The following TXNDC11 variants were observed in gnomAD, a reference collection of about 807,000 sequenced individuals.
TXNDC11 encodes thioredoxin domain-containing protein 11.
Under a neutral mutation model 78.0 loss-of-function variants are expected in TXNDC11, and 68 were observed. The ratio of observed to expected loss-of-function variants is 0.87; its 90% CI spans 0.72 to 1.07. The LOEUF (loss-of-function observed/expected upper bound fraction) is 1.07. Among genes scored for constraint, TXNDC11 ranks in the 50% least tolerant of loss-of-function variants. The pLI, the probability that TXNDC11 is intolerant of heterozygous loss-of-function variation, is 0.00. For synonymous variants in TXNDC11, 571 were observed against 495.2 expected, an observed-to-expected ratio of 1.15 and a Z score of -2.03; for missense variants, 1,389 against 1,221.8, an observed-to-expected ratio of 1.14 and a Z score of -2.04.
intron 5 of TXNDC11, among the ~76,000 whole-genome samples, chr16:11,717,997 G>A (rs140453487): frequency 1.3e-5 from 2 of 150,630 alleles, no homozygotes; most frequent in African/African-American, 2.5e-5. Context: ...TTAGAGTGCT[G>A]AGGTGGTAAG....
chr16:11,731,687 T>TCACA (rs34570874), intron 3 of TXNDC11, among the ~76,000 whole-genome samples: 1,623 of 143,848 alleles, frequency 0.011, 25 homozygotes, highest in African/African-American at 0.037. Context: ...TTACAGAAAT[T>TCACA]CACACACACA....
chr16:11,720,697 G>A (rs369789274), intron 5 of TXNDC11, among the ~76,000 whole-genome samples: 7 of 149,540 alleles, frequency 4.7e-5, no homozygotes, highest in Non-Finnish European at 8.9e-5. Flanking sequence ...GATTACAGGC[G>A]TGAGCCACCG....
intron 2 of TXNDC11, among the ~76,000 whole-genome samples, chr16:11,734,473 G>A (rs973440276): frequency 2.0e-5 from 3 of 152,044 alleles, no homozygotes; most frequent in African/African-American, 4.8e-5. Flanking sequence ...CCACCACTAC[G>A]TGATGGTAAA....
intron 4 of TXNDC11, among the ~76,000 whole-genome samples, chr16:11,729,361 T>C (rs1237359424): frequency 2.0e-5 from 3 of 152,212 alleles, no homozygotes; most frequent in African/African-American, 4.8e-5. Flanking sequence ...CTGCTATCTA[T>C]GTAATTAAGG....
intron 6 of TXNDC11, among the ~76,000 whole-genome samples, chr16:11,698,559 T>G (rs186160309): frequency 1.3e-5 from 2 of 152,366 alleles, no homozygotes; most frequent in East Asian, 3.9e-4. Context: ...GTGATTCATC[T>G]TTCTGCCTTG....
At chr16:11,704,792 C>A (rs1349606639) in intron 5 of TXNDC11, among the ~76,000 whole-genome samples, 1 of 152,092 alleles carries the variant, frequency 6.6e-6, no homozygotes, top group Non-Finnish European at 1.5e-5. Context: ...CAACACATTG[C>A]GATATGGGAT....
At chr16:11,731,659 T>C (rs976806400) in intron 3 of TXNDC11, among the ~76,000 whole-genome samples, 5 of 151,696 alleles carry the variant, frequency 3.3e-5, no homozygotes, top group Non-Finnish European at 5.9e-5. Context: ...GCTGTGATTA[T>C]AATACCATAA....
At chr16:11,686,514 C>A (rs766140875) in intron 10 of TXNDC11, among the ~76,000 whole-genome samples, 1 of 152,140 alleles carries the variant, frequency 6.6e-6, no homozygotes, top group Non-Finnish European at 1.5e-5. Context: ...TTGTTGATTT[C>A]TTGTAAATGT....
At chr16:11,732,618 GCTT>G (rs1489389278) in intron 3 of TXNDC11, among the ~76,000 whole-genome samples, 1 of 152,192 alleles carries the variant, frequency 6.6e-6, no homozygotes, top group African/African-American at 2.4e-5. Context: ...GCAAAAACTG[GCTT>G]CTTACTACAA....
rs770871848 is a variant in TXNDC11 at position 11,730,625 on chromosome 16, G to A, written c.699+20C>T. The stretch of plus-strand genomic sequence containing the variant: ...GTGAAAGGCCTTGAGTATGGAGGAG[G>A]AGATATGAAAGACAAGTACCTCGTA... On this transcript the variant is annotated intron_variant, in intron 4 of 11. Coordinates refer to ENST00000283033, the MANE Select transcript of TXNDC11 (RefSeq NM_015914.7). The A allele has an allele frequency of 9.3e-6, 15 of 1,612,038 alleles. No individual in the cohort carries two copies. The Admixed American group carries it at 1.0e-4, about 11-fold the overall frequency.
At chr16:11,704,512 G>C (rs1419226405) in intron 5 of TXNDC11, among the ~76,000 whole-genome samples, 5 of 152,154 alleles carry the variant, frequency 3.3e-5, no homozygotes, top group Non-Finnish European at 5.9e-5. Flanking sequence ...AAACACAGCA[G>C]ACACTACTTT....
In TXNDC11 at chr16:11,698,125, C is replaced by A; in HGVS notation, c.1107G>T (p.Glu369Asp). Residue 369 changes from glutamate to aspartate, a missense_variant and splice_region_variant, in exon 7 of 12, where the codon GAG becomes GAT. Coordinates refer to ENST00000283033, the MANE Select transcript of TXNDC11 (RefSeq NM_015914.7). The stretch of plus-strand genomic sequence containing the variant: ...GTGCTTTTCACATCACAGCTCTTAC[C>A]TCGTCTATTAAAGGATGACTTTCGG... ...PLAESHPLID[E>D]ITEVALEYNN... 6.2e-7 allele frequency: 1 copy of A among 1,614,192 alleles called. No individual in the cohort carries two copies. Among genetic ancestry groups the A allele is most frequent in the Non-Finnish European group, 8.5e-7 (1 of 1,180,002 alleles).
intron 7 of TXNDC11, among the ~76,000 whole-genome samples, chr16:11,695,511 A>C (rs981449650): frequency 3.9e-5 from 6 of 152,232 alleles, no homozygotes; most frequent in African/African-American, 1.4e-4. Flanking sequence ...ATGAATTTAC[A>C]GCTCATCTTG....
intron 6 of TXNDC11, among the ~76,000 whole-genome samples, chr16:11,699,720 G>A (rs933122545): frequency 6.6e-6 from 1 of 152,242 alleles, no homozygotes; most frequent in Non-Finnish European, 1.5e-5. Flanking sequence ...GGGGGGCGCA[G>A]GTTTTAAAGG....
chr16:11,699,094 C>T (rs1043468814), intron 6 of TXNDC11, among the ~76,000 whole-genome samples: 2 of 152,210 alleles, frequency 1.3e-5, no homozygotes, highest in African/African-American at 4.8e-5. Flanking sequence ...ATATTTAAAA[C>T]TCCTCAAAAC....
chr16:11,685,261 G>A (rs1357347706), intron 10 of TXNDC11, among the ~76,000 whole-genome samples: 2 of 152,004 alleles, frequency 1.3e-5, no homozygotes, highest in African/African-American at 2.4e-5. Flanking sequence ...GAAGGTGGGA[G>A]AATCACCTGA....
chr16:11,679,304 T>C lies in TXNDC11; in HGVS notation c.2768A>G (p.Lys923Arg). ...SLAAQREVHP[K>R]QPEPSATPQL... Reference sequence around the variant, plus strand: ...GGGGGTGGCTGAGGGCTCAGGCTGCTTGGGGTGGACCTCTCTCTGGGCCGC... The same window carrying C: ...GGGGGTGGCTGAGGGCTCAGGCTGCCTGGGGTGGACCTCTCTCTGGGCCGC... The change falls in exon 12 of 12, where the codon AAG becomes AGG. Residue 923 changes from lysine (K) to arginine (R), a missense_variant. Lys to Arg is a conservative substitution (Grantham distance 26, BLOSUM62 2). Coordinates refer to ENST00000283033, the MANE Select transcript of TXNDC11 (RefSeq NM_015914.7). This position sits in a 1 kb window ranked among gnomAD's most constrained non-coding sequence, Gnocchi z 4.6. The C allele has an allele frequency of 6.2e-7, 1 of 1,612,828 alleles. No homozygotes were observed. Among genetic ancestry groups the C allele is most frequent in the Non-Finnish European group, 8.5e-7 (1 of 1,179,846 alleles).
intron 5 of TXNDC11, among the ~76,000 whole-genome samples, chr16:11,716,236 G>A (rs773579278): frequency 6.6e-6 from 1 of 152,106 alleles, no homozygotes; most frequent in Non-Finnish European, 1.5e-5. Flanking sequence ...TGAAAAATGG[G>A]GTCAAAATTT....
At chr16:11,737,393 C>T (rs1056134127) in intron 1 of TXNDC11, among the ~76,000 whole-genome samples, 1 of 150,568 alleles carries the variant, frequency 6.6e-6, no homozygotes, top group Non-Finnish European at 1.5e-5. Flanking sequence ...TGCAGTGAGC[C>T]GAGATTGCAC....
Sources: gnomAD v4.1 joint callset for allele counts (sites outside exome capture counted in the v4.1 genomes callset) on GRCh38, gnomAD v4.1.1 for gene constraint, Gnocchi (gnomAD v3.1) non-coding constraint, MANE v1.5 for transcripts, NCBI Gene and HGNC (gene_info 2026-07-23, HGNC 2026-07-21) for gene names.